Variants in TNKS2 observed in about 807,000 individuals in gnomAD.
The protein encoded by TNKS2 is poly [ADP-ribose] polymerase tankyrase-2.
TNKS2 carries 72 observed loss-of-function variants against 137.6 expected under a neutral mutation model. That is an observed-to-expected ratio of 0.52 (90% CI 0.43 to 0.64). The LOEUF (loss-of-function observed/expected upper bound fraction) is 0.64. Ranked by LOEUF, TNKS2 falls within the 30% of genes least tolerant of loss-of-function variation. TNKS2 has a pLI of 0.00. For synonymous variants in TNKS2, 516 were observed against 512.1 expected, an observed-to-expected ratio of 1.01 and a Z score of -0.10; for missense variants, 1,049 against 1,410.2, an observed-to-expected ratio of 0.74 and a Z score of 4.10.
chr10:91,828,365 A>G lies in TNKS2; in HGVS notation c.1063A>G (p.Met355Val), dbSNP rs1184576436. Residue 355 changes from methionine (M) to valine (V), a missense_variant, in exon 9 of 27, where the codon ATG becomes GTG. Around this residue, in one of 6 missense-constraint regions of TNKS2, gnomAD observed 374 missense variants for 460.8 expected, o/e 0.81. Transcript: ENST00000371627. ...AATCAAAAAACATCTCTCTCTGGAA[A>G]TGGTGAATTTCAAGCATCCTCAAAC... ...TRIKKHLSLEMVNFKHPQTHE... is the reference protein window; with the variant it reads ...TRIKKHLSLEVVNFKHPQTHE... 6.2e-7 allele frequency: 1 copy of G among 1,608,702 alleles called. No homozygotes were observed. The highest frequency in any genetic ancestry group is 1.3e-5 in the African/African-American group (1 of 74,588).
intron 11 of TNKS2, among the ~76,000 whole-genome samples, chr10:91,831,503 A>G (rs959513255): frequency 6.6e-6 from 1 of 151,994 alleles, no homozygotes; most frequent in Non-Finnish European, 1.5e-5. Flanking sequence ...CATATCTTCT[A>G]ATTCTTGGTT....
At chr10:91,822,226 T>C (rs1844912577) in intron 6 of TNKS2, 70 bp from the exon 7 acceptor site, 1 of 1,221,984 alleles carries the variant, frequency 8.2e-7, no homozygotes, top group South Asian at 1.5e-5. Flanking sequence ...AAATAAATTT[T>C]AATTTATAAA....
In TNKS2 at chr10:91,848,638, G is replaced by A; in HGVS notation, c.2611+3G>A. 6.2e-7 allele frequency: 1 copy of A among 1,613,378 alleles called. No individual in the cohort carries two copies. The highest frequency in any genetic ancestry group is 8.5e-7 in the Non-Finnish European group (1 of 1,179,550). On this transcript the variant is annotated splice_donor_region_variant and intron_variant, in intron 19 of 26. Coordinates refer to ENST00000371627, the MANE Select transcript of TNKS2 (RefSeq NM_025235.4). ...TTCCAGTTTGGAGAAAAAGGAGGGT[G>A]AGACGTTCTACAAAAATAACTTTCT... is the stretch of plus-strand genomic sequence containing the variant.
chr10:91,806,042 C>CTTTTTTTTTTTTTTT (rs34004456), intron 1 of TNKS2, among the ~76,000 whole-genome samples: 1 of 130,088 alleles, frequency 7.7e-6, no homozygotes, highest in Non-Finnish European at 1.6e-5. Flanking sequence ...CATTCTTTCT[C>CTTTTTTTTTTTTTTT]TTTTTTTTTT....
At chr10:91,840,429 A>G in intron 13 of TNKS2, 132 bp from the exon 14 acceptor site, 1 of 752,510 alleles carries the variant, frequency 1.3e-6, no homozygotes, top group South Asian at 2.0e-5. Flanking sequence ...AATACTAAAT[A>G]GTTTCTGAGA....
chr10:91,819,747 T>C (rs534497161), intron 5 of TNKS2, among the ~76,000 whole-genome samples, 190 bp downstream of exon 5: 2 of 152,258 alleles, frequency 1.3e-5, no homozygotes, highest in Non-Finnish European at 2.9e-5. Context: ...TTGCTTCCTA[T>C]ATGCAATAGT....
chr10:91,828,836 GT>G (rs1233264386), intron 9 of TNKS2, among the ~76,000 whole-genome samples: 1 of 152,114 alleles, frequency 6.6e-6, no homozygotes, highest in African/African-American at 2.4e-5. Context: ...GATCTAGAAT[GT>G]GAATAAAGTA....
chr10:91,798,473 T>A lies in TNKS2; in HGVS notation c.-218T>A. The A allele has an allele frequency of 2.6e-6, 1 of 384,220 alleles. No homozygotes were observed. The highest frequency in any genetic ancestry group is 4.2e-6 in the Non-Finnish European group (1 of 238,258). 23.8% of individuals were successfully genotyped at this position (384,220 alleles called of 1,614,324 possible). On this transcript the variant is annotated 5_prime_UTR_variant, in exon 1 of 27. Coordinates refer to ENST00000371627, the MANE Select transcript of TNKS2 (RefSeq NM_025235.4). The stretch of plus-strand genomic sequence containing the variant: ...CAGGACCCGGACGGCGGATTCGCGC[T>A]GCCTCCGCCGCCGCGGGGCAGCCGG...
intron 6 of TNKS2, among the ~76,000 whole-genome samples, chr10:91,820,822 A>G (rs1844862800): frequency 6.6e-6 from 1 of 152,230 alleles, no homozygotes. Context: ...ATGAAAATGA[A>G]GGCATAGATG....
intron 9 of TNKS2, among the ~76,000 whole-genome samples, chr10:91,829,289 A>G (rs1481122669): frequency 6.6e-6 from 1 of 152,164 alleles, no homozygotes; most frequent in Non-Finnish European, 1.5e-5. Context: ...AATTTAAAAA[A>G]AAAAAATAGC....
chr10:91,820,916 G>A (rs1844867675), intron 6 of TNKS2, among the ~76,000 whole-genome samples: 1 of 152,248 alleles, frequency 6.6e-6, no homozygotes, highest in African/African-American at 2.4e-5. Context: ...TACATTTCAA[G>A]TTCTGAATGA....
chr10:91,857,929 A>G (rs1842753925), intron 24 of TNKS2, among the ~76,000 whole-genome samples: 1 of 152,186 alleles, frequency 6.6e-6, no homozygotes, highest in Non-Finnish European at 1.5e-5. Context: ...TCAAACCCAC[A>G]CAATTTGAAA....
chr10:91,855,676 C>A lies in TNKS2; in HGVS notation c.2976C>A (p.Tyr992Ter). The change falls in exon 23 of 27, where the codon TAC becomes TAA. Residue 992 changes from tyrosine to a stop codon, truncating the protein, a stop_gained. Transcript: ENST00000371627. LOFTEE classifies it high-confidence loss of function. Reference sequence around the variant, plus strand: ...ATGCAGGTGGAATCTTCAACAGATACAATATTCTCAAGGTAATAAATTAGT... The same window carrying A: ...ATGCAGGTGGAATCTTCAACAGATAAAATATTCTCAAGGTAATAAATTAGT... ...GGHAGGIFNR[Y>*]NILKIQKVCN... 6.2e-7 allele frequency: 1 copy of A among 1,610,822 alleles called. No homozygotes were observed. The highest frequency in any genetic ancestry group is 8.5e-7 in the Non-Finnish European group (1 of 1,178,014).
intron 22 of TNKS2, 38 bp downstream of exon 22, chr10:91,855,164 AT>A: frequency 8.0e-7 from 1 of 1,243,102 alleles, no homozygotes; most frequent in South Asian, 1.2e-5. Flanking sequence ...TTTGCCGTAT[AT>A]ATTTAGTTCA....
rs147226778 is a variant in TNKS2, at chr10:91,840,411, G to A, written c.1528-150G>A. 5.2e-4 allele frequency: 342 copies of A among 654,324 alleles called. No individual in the cohort carries two copies. The African/African-American group carries it at 5.7e-3, about 11-fold the overall frequency. 40.5% of individuals were successfully genotyped at this position (654,324 alleles called of 1,614,324 possible). On this transcript the variant is annotated intron_variant, in intron 13 of 26. Transcript: ENST00000371627. The stretch of plus-strand genomic sequence containing the variant: ...AGGGATTCCCAGTAAATGACAAGGT[G>A]AAATAAGAATACTAAATAGTTTCTG...
At chr10:91,826,924 T>C in intron 7 of TNKS2, 93 bp from the exon 8 acceptor site, 1 of 1,175,190 alleles carries the variant, frequency 8.5e-7, no homozygotes, top group Non-Finnish European at 1.1e-6. Context: ...GAACATAACC[T>C]GTTTTAGCCT....
In TNKS2 at chr10:91,844,907, T is replaced by G. The variant is rs759557897; in HGVS notation, c.2060-12T>G. On this transcript the variant is annotated splice_polypyrimidine_tract_variant and intron_variant, in intron 16 of 26. Coordinates refer to ENST00000371627, the MANE Select transcript of TNKS2 (RefSeq NM_025235.4). Reference sequence around the variant, plus strand: ...AAACAAGTAAAGTAATTTTACTTCTTTTCTAAATTAGCTGGTTATAATAAT... The same window carrying G: ...AAACAAGTAAAGTAATTTTACTTCTGTTCTAAATTAGCTGGTTATAATAAT... 1 of 1,577,128 alleles carries G rather than the reference T, an allele frequency of 6.3e-7. No homozygotes were observed. Among genetic ancestry groups the G allele is most frequent in the South Asian group, 1.1e-5 (1 of 87,688 alleles).
rs190861948 is a variant in TNKS2, at chr10:91,819,326, A to G, written c.557+20A>G. 6.8e-7 allele frequency: 1 copy of G among 1,469,420 alleles called. No individual in the cohort carries two copies. Among genetic ancestry groups the G allele is most frequent in the Admixed American group, 2.6e-5 (1 of 38,884 alleles). 91.0% of individuals were successfully genotyped at this position (1,469,420 alleles called of 1,614,324 possible). A position where few individuals can be genotyped will look rare whatever the true frequency, so the allele number is the denominator to read the frequency against. ...TGCCAGGTACGTACTAATGTTATAAATATGTGACAGGAATACTTCACCATT... is the reference window on the plus strand; with the variant it reads ...TGCCAGGTACGTACTAATGTTATAAGTATGTGACAGGAATACTTCACCATT... On this transcript the variant is annotated intron_variant, in intron 4 of 26. Transcript: ENST00000371627.
At chr10:91,809,468 C>T (rs1185627558) in intron 1 of TNKS2, among the ~76,000 whole-genome samples, 1 of 151,934 alleles carries the variant, frequency 6.6e-6, no homozygotes, top group Non-Finnish European at 1.5e-5. Context: ...AGATCGAGAC[C>T]ATCTTGGCTA....
Sources: allele counts gnomAD v4.1 joint callset (sites outside exome capture counted in the v4.1 genomes callset), GRCh38; gene constraint gnomAD v4.1.1; regional missense constraint gnomAD v4.1.1; transcripts MANE v1.5; gene names NCBI Gene and HGNC (gene_info 2026-07-23, HGNC 2026-07-21).